Variants in ANKRD30A observed in about 807,000 individuals in gnomAD.
ANKRD30A encodes the protein ankyrin repeat domain-containing protein 30A.
Under a neutral mutation model 166.3 loss-of-function variants are expected in ANKRD30A, and 170 were observed. That is an observed-to-expected ratio of 1.02 (90% confidence interval 0.90 to 1.16). The LOEUF (loss-of-function observed/expected upper bound fraction) is 1.16. ANKRD30A is among the 50% of genes most tolerant of loss of function. The pLI is 0.00. For synonymous variants in ANKRD30A, 564 were observed against 508.9 expected (o/e 1.11, Z -1.46); for missense variants, 1,630 against 1,518.0 (o/e 1.07, Z -1.23).
chr10:37,203,534 G>A (rs528053072), intron 31 of ANKRD30A, among the ~76,000 whole-genome samples: 126 of 152,202 alleles, frequency 8.3e-4, no homozygotes, highest in Non-Finnish European at 1.4e-3. Context: ...GTATCATACC[G>A]AATGGGCAAA....
chr10:37,202,284 T>C (rs1841675451), intron 31 of ANKRD30A, among the ~76,000 whole-genome samples: 1 of 152,124 alleles, frequency 6.6e-6, no homozygotes. Context: ...TATCACAAAC[T>C]GTCTCTCAGA....
chr10:37,232,232 G>T (rs1843441529), intron 35 of ANKRD30A, among the ~76,000 whole-genome samples: 1 of 151,492 alleles, frequency 6.6e-6, no homozygotes, highest in Non-Finnish European at 1.5e-5. Context: ...AAAGCTAAAA[G>T]TCTTGTTTTT....
chr10:37,172,676 A>T lies in ANKRD30A; in HGVS notation c.2258-1036A>T, dbSNP rs1354539189. Among the ~76,000 whole-genome samples, 9 of 133,784 alleles carry T rather than the reference A, an allele frequency of 6.7e-5. No homozygotes were observed. In the East Asian group the frequency reaches 1.8e-3, roughly 26 times the overall value. 87.8% of individuals were successfully genotyped at this position (133,784 alleles called of 152,430 possible). ...GTGAACTCACTTCAGATGCATGTAG[A>T]TTATTTGCACTCCAGAATGTAGACT... On this transcript the variant is annotated intron_variant, in intron 21 of 35. Transcript: ENST00000361713.
At chr10:37,154,551 G>T (rs1384833432) in intron 13 of ANKRD30A, among the ~76,000 whole-genome samples, 2 of 152,042 alleles carry the variant, frequency 1.3e-5, no homozygotes, top group African/African-American at 4.8e-5. Context: ...GAAGAAGAAA[G>T]GGGCAATGCA....
At chr10:37,131,489 A>G (rs1181480042) in intron 3 of ANKRD30A, among the ~76,000 whole-genome samples, 1 of 152,180 alleles carries the variant, frequency 6.6e-6, no homozygotes, top group Non-Finnish European at 1.5e-5. Context: ...TAAGCAATCA[A>G]AGTTCACTTG....
chr10:37,214,876 T>C (rs1842524779), intron 31 of ANKRD30A, among the ~76,000 whole-genome samples: 1 of 151,482 alleles, frequency 6.6e-6, no homozygotes, highest in South Asian at 2.1e-4. Flanking sequence ...TTTCCTCAAA[T>C]GTTTTTTTCT....
At position 37,130,283 on chromosome 10, in the gene ANKRD30A, G is replaced by A; in HGVS notation, c.415G>A (p.Gly139Ser). The change falls in exon 3 of 36, where the codon GGC becomes AGC. Residue 139 changes from glycine (G) to serine (S), a missense_variant. By Grantham distance (56) the Gly-to-Ser change is moderately conservative (BLOSUM62 0). Around this residue, in one of 4 missense-constraint regions of ANKRD30A, gnomAD observed 904 missense variants for 818.5 expected, o/e 1.10. Coordinates refer to ENST00000361713, the MANE Select transcript of ANKRD30A (RefSeq NM_052997.3). The part of the protein sequence containing the change: ...GADINLVDVY[G>S]NTALHYAVYS... ...CGATATAAATCTCGTAGATGTGTAT[G>A]GCAACACGGCTCTCCATTATGCTGT... 2 of 1,605,510 alleles carry A rather than the reference G, an allele frequency of 1.2e-6. No individual in the cohort carries two copies. The highest frequency in any genetic ancestry group is 8.5e-7 in the Non-Finnish European group (1 of 1,176,174).
rs1837236839 is a variant in ANKRD30A, at chr10:37,142,739, C to T, written c.1393+449C>T. 2.0e-5 allele frequency among the ~76,000 whole-genome samples: 3 copies of T among 151,818 alleles called. 1 individual carries two copies. The South Asian group carries it at 6.2e-4, about 32-fold the overall frequency. Reference sequence around the variant, plus strand: ...AAGTAGCTAGGATTACACGTGCCCACCACCACACCTGGATAATTTTTTGTA... The same window carrying T: ...AAGTAGCTAGGATTACACGTGCCCATCACCACACCTGGATAATTTTTTGTA... On this transcript the variant is annotated intron_variant, in intron 7 of 35. Transcript: ENST00000361713.
downstream of ANKRD30A, among the ~76,000 whole-genome samples, chr10:37,235,871 G>A (rs1208017070): frequency 1.4e-5 from 2 of 146,646 alleles, no homozygotes; most frequent in Admixed American, 7.0e-5. Context: ...CCAGGTTCAC[G>A]CCATTCTCCT....
chr10:37,196,503 A>G (rs1473953706), intron 27 of ANKRD30A, among the ~76,000 whole-genome samples: 1 of 152,210 alleles, frequency 6.6e-6, no homozygotes, highest in Non-Finnish European at 1.5e-5. Flanking sequence ...GACGAATTGT[A>G]GGAACTGTAA....
At chr10:37,201,113 T>A (rs1841587379) in intron 30 of ANKRD30A, 122 bp from the exon 31 acceptor site, 2 of 691,694 alleles carry the variant, frequency 2.9e-6, no homozygotes, top group East Asian at 4.2e-5. Flanking sequence ...TGTCTGCTCT[T>A]AAGTTGAATT....
chr10:37,126,066 G>A (rs1835988778), intron 1 of ANKRD30A, 58 bp downstream of exon 1: 3 of 1,566,878 alleles, frequency 1.9e-6, no homozygotes, highest in East Asian at 2.2e-5. Flanking sequence ...TGGGAGGATC[G>A]CCCCTTCAGA....
chr10:37,132,361 T>C lies in ANKRD30A; in HGVS notation c.617+15T>C, dbSNP rs750508859. The C allele has an allele frequency of 6.8e-7, 1 of 1,470,014 alleles. No individual in the cohort carries two copies. The highest frequency in any genetic ancestry group is 9.2e-7 in the Non-Finnish European group (1 of 1,087,616). The allele number at this position is 1,470,014 out of a possible 1,614,324, so 91.1% of individuals were successfully genotyped here. A position where few individuals can be genotyped will look rare whatever the true frequency, so the allele number is the denominator to read the frequency against. ...AAGTATAAATGGTATAGTAGTTCTT[T>C]TTTTATTAAAAAACACTTGAGTAGT... On this transcript the variant is annotated intron_variant, in intron 4 of 35. Transcript: ENST00000361713.
downstream of ANKRD30A, among the ~76,000 whole-genome samples, chr10:37,236,549 G>T (rs1441383296): frequency 6.6e-6 from 1 of 152,148 alleles, no homozygotes; most frequent in Admixed American, 6.5e-5. Flanking sequence ...TACCCATTAG[G>T]TAAATCTTCC....
the ANKRD30A span, among the ~76,000 whole-genome samples, chr10:37,253,942 G>A: frequency 3.6e-4 from 55 of 152,180 alleles, no homozygotes; most frequent in African/African-American, 1.2e-3. Context: ...GAGCCACTGC[G>A]CCCAGTCTAT....
intron 9 of ANKRD30A, among the ~76,000 whole-genome samples, chr10:37,147,987 G>A (rs1284400189): frequency 1.3e-5 from 2 of 152,162 alleles, no homozygotes; most frequent in Non-Finnish European, 2.9e-5. Flanking sequence ...GCAGAATTGT[G>A]TTTTATTTGC....
chr10:37,248,972 C>T, the ANKRD30A span, among the ~76,000 whole-genome samples: 315 of 152,158 alleles, frequency 2.1e-3, 1 homozygote, highest in Non-Finnish European at 3.8e-3. Context: ...GGGTCTTTGT[C>T]GGAGGGGATT....
At chr10:37,140,921 G>A (rs1015196935) in intron 6 of ANKRD30A, among the ~76,000 whole-genome samples, 1 of 152,116 alleles carries the variant, frequency 6.6e-6, no homozygotes, top group Non-Finnish European at 1.5e-5. Flanking sequence ...TCATAAAACA[G>A]TAGAGCTGTC....
chr10:37,135,734 T>C (rs1011656719), intron 5 of ANKRD30A, among the ~76,000 whole-genome samples: 1 of 152,216 alleles, frequency 6.6e-6, no homozygotes, highest in African/African-American at 2.4e-5. Flanking sequence ...ATTAGTTTTC[T>C]GCCCTTGGTG....
Sources: allele counts gnomAD v4.1 joint callset (sites outside exome capture counted in the v4.1 genomes callset), GRCh38; gene constraint gnomAD v4.1.1; regional missense constraint gnomAD v4.1.1; transcripts MANE v1.5; gene names NCBI Gene and HGNC (gene_info 2026-07-23, HGNC 2026-07-21).